HTT: variants seen among roughly 807,000 people sequenced by gnomAD.
HTT encodes the protein huntington disease protein.
Under a neutral mutation model 362.3 loss-of-function variants are expected in HTT, and 104 were observed. That is an observed-to-expected ratio of 0.29 (90% CI 0.24 to 0.34). The LOEUF (loss-of-function observed/expected upper bound fraction) is 0.34. Ranked by LOEUF, HTT falls within the 10% of genes least tolerant of loss-of-function variation. HTT has a pLI of 1.00. For synonymous variants in HTT, 1,577 were observed against 1,548.7 expected (o/e 1.02, Z -0.43); for missense variants, 3,301 against 3,928.6 (o/e 0.84, Z 4.27).
intron 40 of HTT, among the ~76,000 whole-genome samples, chr4:3,191,298 C>T (rs1183996003): frequency 2.6e-5 from 4 of 151,904 alleles, no homozygotes; most frequent in Admixed American, 6.6e-5. Flanking sequence ...CTCAGCCTCC[C>T]GAGTAGCTGG....
chr4:3,092,818 T>G (rs1025177834), intron 2 of HTT, among the ~76,000 whole-genome samples: 6 of 152,262 alleles, frequency 3.9e-5, no homozygotes, highest in Non-Finnish European at 8.8e-5. Flanking sequence ...CTTGAAATAG[T>G]TGAAAACGGA....
chr4:3,082,824 G>T (rs1231714382), intron 1 of HTT, among the ~76,000 whole-genome samples: 1 of 152,178 alleles, frequency 6.6e-6, no homozygotes, highest in Admixed American at 6.5e-5. Context: ...GTGAGCTGAG[G>T]TGAGCCTGCG....
intron 1 of HTT, among the ~76,000 whole-genome samples, chr4:3,077,387 A>G (rs902399863): frequency 3.3e-5 from 5 of 152,088 alleles, no homozygotes; most frequent in Non-Finnish European, 5.9e-5. Flanking sequence ...TAGATTTAAA[A>G]TGCTCTAAAA....
chr4:3,233,188 G>A lies in HTT; in HGVS notation c.8291G>A (p.Ser2764Asn). 6.3e-7 allele frequency: 1 copy of A among 1,591,318 alleles called. No individual in the cohort carries two copies. The highest frequency in any genetic ancestry group is 8.6e-7 in the Non-Finnish European group (1 of 1,161,836). ...GACAAGGCCGTGGCGGAGCCTGTCA[G>A]CCGCCTGCTGGAGAGCACGCTCAGG... ...GMDKAVAEPV[S>N]RLLESTLRSS... Residue 2764 changes from serine (S) to asparagine (N), a missense_variant, in exon 61 of 67, where the codon AGC becomes AAC. Ser to Asn is a conservative substitution (Grantham distance 46, BLOSUM62 1). Around this residue, in one of 4 missense-constraint regions of HTT, gnomAD observed 753 missense variants for 1,021.3 expected, o/e 0.74. Coordinates refer to ENST00000355072, the MANE Select transcript of HTT (RefSeq NM_001388492.1).
intron 37 of HTT, among the ~76,000 whole-genome samples, chr4:3,185,573 T>G (rs1368727317): frequency 6.6e-6 from 1 of 152,208 alleles, no homozygotes; most frequent in African/African-American, 2.4e-5. Flanking sequence ...TTGAACACAC[T>G]GTGGTATAAG....
chr4:3,075,035 G>GCCGCCC lies in HTT; in HGVS notation c.216_221dup (p.Pro75_Pro76dup), dbSNP rs1712436015. The GCCGCCC allele has an allele frequency of 8.0e-7, 1 of 1,247,060 alleles. No homozygotes were observed. The allele number at this position is 1,247,060 out of a possible 1,614,324, so 77.2% of individuals were successfully genotyped here. On this transcript the variant is annotated inframe_insertion, in exon 1 of 67. Coordinates refer to ENST00000355072, the MANE Select transcript of HTT (RefSeq NM_001388492.1). ...TGCCTCAGCCGCAGCCGCCCCCGCC[G>GCCGCCC]CCGCCCCCGCCGCCACCCGGCCCGG... is the stretch of plus-strand genomic sequence containing the variant.
chr4:3,099,201 G>T, intron 2 of HTT, 73 bp from the exon 3 acceptor site: 2 of 986,880 alleles, frequency 2.0e-6, no homozygotes, highest in Non-Finnish European at 1.6e-6. Flanking sequence ...GCAGGACACC[G>T]GATACCTCAT....
At chr4:3,154,132 A>G (rs376950491) in intron 26 of HTT, among the ~76,000 whole-genome samples, 161 bp from the exon 27 acceptor site, 2 of 152,230 alleles carry the variant, frequency 1.3e-5, no homozygotes, top group Non-Finnish European at 2.9e-5. Flanking sequence ...AAATGTGTAC[A>G]GTGTCTGAAC....
chr4:3,233,776 T>G (rs1391663349), intron 61 of HTT, among the ~76,000 whole-genome samples: 1 of 152,242 alleles, frequency 6.6e-6, no homozygotes, highest in Non-Finnish European at 1.5e-5. Flanking sequence ...TTAAAGCTGC[T>G]GGACGGCAGG....
chr4:3,237,460 A>G (rs1247185726), intron 64 of HTT, among the ~76,000 whole-genome samples: 1 of 152,208 alleles, frequency 6.6e-6, no homozygotes, highest in East Asian at 1.9e-4. Flanking sequence ...AGACGGGCAC[A>G]GGGAGGCGCC....
rs1400912650 is a variant in HTT at position 3,127,273 on chromosome 4, A to G, written c.1412A>G (p.Lys471Arg). 1 of 1,610,976 alleles carries G rather than the reference A, an allele frequency of 6.2e-7. No individual in the cohort carries two copies. Among genetic ancestry groups the G allele is most frequent in the East Asian group, 2.2e-5 (1 of 44,772 alleles). The change falls in exon 12 of 67, where the codon AAG (lysine) becomes AGG (arginine). Residue 471 changes from lysine to arginine, a missense_variant. Physicochemically the swap from Lys to Arg is conservative, Grantham distance 26. Transcript: ENST00000355072. ...VSSSALTASV[K>R]DEISGELAAS... Reference sequence around the variant, plus strand: ...GTTTCTCTGTCTTCAGCCTCAGTGAAGGATGAGATCAGTGGAGAGCTGGCT... The same window carrying G: ...GTTTCTCTGTCTTCAGCCTCAGTGAGGGATGAGATCAGTGGAGAGCTGGCT...
rs1224506850 is a variant in HTT, at chr4:3,206,516, C to T, written c.5739C>T (p.Ser1913=). The part of the protein sequence containing the change: ...CDYVCQNLHD[S]EHLTWLIVNH... ...CTTAGTGTCAGAACCTCCATGACTC[C>T]GAGCACTTAACGTGGCTCATTGTAA... The change falls in exon 43 of 67, where the codon TCC becomes TCT. Residue 1913 remains serine (S), a synonymous_variant. Transcript: ENST00000355072. The surrounding 1 kb of genome is among the most constrained non-coding windows in gnomAD (Gnocchi z 4.6). 4 of 1,613,892 alleles carry T rather than the reference C, an allele frequency of 2.5e-6. No individual in the cohort carries two copies. The highest frequency in any genetic ancestry group is 2.2e-5 in the South Asian group (2 of 91,064).
At chr4:3,144,865 A>G (rs1431654200) in intron 23 of HTT, among the ~76,000 whole-genome samples, 3 of 152,142 alleles carry the variant, frequency 2.0e-5, no homozygotes, top group Non-Finnish European at 4.4e-5. Flanking sequence ...CTCAGCTCCT[A>G]AGGATGTGCA....
At position 3,147,967 on chromosome 4, in the gene HTT, A is replaced by G. The variant is rs372346894; in HGVS notation, c.3296-38A>G. ...CCAAGCAATTTGTCCTTCCCATGCT[A>G]TTGGGGTGGAGAGGTAATGTCTGTG... On this transcript the variant is annotated intron_variant, in intron 25 of 66. Coordinates refer to ENST00000355072, the MANE Select transcript of HTT (RefSeq NM_001388492.1). 1.8e-4 allele frequency: 265 copies of G among 1,513,584 alleles called. No individual in the cohort carries two copies. In the African/African-American group the frequency reaches 3.3e-3, roughly 19 times the overall value. 93.8% of individuals were successfully genotyped at this position (1,513,584 alleles called of 1,614,324 possible). A position where few individuals can be genotyped will look rare whatever the true frequency, so the allele number is the denominator to read the frequency against.
At chr4:3,222,303 C>A in intron 53 of HTT, 84 bp from the exon 54 acceptor site, 2 of 1,126,532 alleles carry the variant, frequency 1.8e-6, no homozygotes, top group Non-Finnish European at 2.7e-6. Flanking sequence ...CTCCAGGGGC[C>A]GTGCTGTGTC....
chr4:3,122,870 C>G lies in HTT; in HGVS notation c.1274-19C>G. On this transcript the variant is annotated intron_variant, in intron 9 of 66. Transcript: ENST00000355072. ...TTTATCAGCTTGTTACTTTATCTGT[C>G]ACTTTCTGTGATTTGCAGCTGGAGG... 1 of 1,595,400 alleles carries G rather than the reference C, an allele frequency of 6.3e-7. No homozygotes were observed.
rs373225526 is a variant in HTT at position 3,158,722 on chromosome 4, T to C, written c.3753+1523T>C. On this transcript the variant is annotated intron_variant, in intron 28 of 66. Coordinates refer to ENST00000355072, the MANE Select transcript of HTT (RefSeq NM_001388492.1). ...GGATGTTTGATAATTTTGGAAGATA[T>C]GAAAGTCTTCATATTTTACAAGGTT... is the stretch of plus-strand genomic sequence containing the variant. Among the ~76,000 whole-genome samples, 4 of 152,112 alleles carry C rather than the reference T, an allele frequency of 2.6e-5. No individual in the cohort carries two copies. In the East Asian group the frequency reaches 7.7e-4, roughly 29 times the overall value.
chr4:3,160,845 C>T (rs557085741), intron 29 of HTT, among the ~76,000 whole-genome samples: 20 of 152,166 alleles, frequency 1.3e-4, no homozygotes, highest in African/African-American at 3.4e-4. Context: ...AGAAAGTCAG[C>T]GGCAGAGCCT....
chr4:3,186,886 T>C (rs1002382237), intron 38 of HTT, among the ~76,000 whole-genome samples, 167 bp downstream of exon 38: 1 of 138,216 alleles, frequency 7.2e-6, no homozygotes, highest in East Asian at 2.1e-4. Context: ...CGGAACAGAG[T>C]CTCACTCTGT....
Sources: gnomAD v4.1 joint callset for allele counts (sites outside exome capture counted in the v4.1 genomes callset) on GRCh38, gnomAD v4.1.1 for gene constraint, gnomAD v4.1.1 regional missense constraint, Gnocchi (gnomAD v3.1) non-coding constraint, MANE v1.5 for transcripts, NCBI Gene and HGNC (gene_info 2026-07-23, HGNC 2026-07-21) for gene names.